RAD50: variants seen among roughly 807,000 people sequenced by gnomAD.
The protein encoded by RAD50 is DNA repair protein RAD50.
RAD50 carries 132 observed loss-of-function variants against 168.8 expected under a neutral mutation model. The ratio of observed to expected loss-of-function variants is 0.78; its 90% CI spans 0.68 to 0.90. RAD50 has a LOEUF of 0.90. Ranked by LOEUF, RAD50 falls within the 40% of genes least tolerant of loss-of-function variation. RAD50 has a pLI of 0.00. For missense variants in RAD50, 1,347 were observed against 1,534.4 expected (o/e 0.88, Z 2.04); for synonymous variants, 525 against 497.4 (o/e 1.06, Z -0.74).
At chr5:132,558,291 A>G (rs999547448) in intron 1 of RAD50, among the ~76,000 whole-genome samples, 2 of 152,216 alleles carry the variant, frequency 1.3e-5, no homozygotes, top group East Asian at 1.9e-4. Context: ...GTAGTACTGT[A>G]TAGTGTTTAT....
At position 132,642,447 on chromosome 5, in the gene RAD50, T is replaced by G; in HGVS notation, c.*83T>G. On this transcript the variant is annotated 3_prime_UTR_variant, in exon 25 of 25. Transcript: ENST00000378823. The stretch of plus-strand genomic sequence containing the variant: ...AAACTTATTTCTCATATCAACTTAG[T>G]CAATAAGAAAATATATTCTTTCAAA... 1.6e-6 allele frequency: 2 copies of G among 1,241,668 alleles called. No homozygotes were observed. Among genetic ancestry groups the G allele is most frequent in the South Asian group, 2.7e-5 (2 of 74,880 alleles). 76.9% of individuals were successfully genotyped at this position (1,241,668 alleles called of 1,614,324 possible).
At chr5:132,615,723 C>T (rs1751163081) in intron 19 of RAD50, among the ~76,000 whole-genome samples, 1 of 152,158 alleles carries the variant, frequency 6.6e-6, no homozygotes, top group Non-Finnish European at 1.5e-5. Flanking sequence ...CTTTATGAGA[C>T]TCCCCATCAA....
At chr5:132,604,217 C>T (rs1344238136) in intron 15 of RAD50, among the ~76,000 whole-genome samples, 171 bp downstream of exon 15, 1 of 151,796 alleles carries the variant, frequency 6.6e-6, no homozygotes, top group Non-Finnish European at 1.5e-5. Context: ...TTACTTTGCA[C>T]AACAGATTTT....
At chr5:132,607,978 T>C (rs928683614) in intron 16 of RAD50, among the ~76,000 whole-genome samples, 4 of 152,346 alleles carry the variant, frequency 2.6e-5, no homozygotes, top group African/African-American at 9.6e-5. Context: ...GTTACAAGGC[T>C]AAATAATGGG....
chr5:132,624,625 T>G (rs1164528179), intron 21 of RAD50, among the ~76,000 whole-genome samples: 2 of 152,088 alleles, frequency 1.3e-5, no homozygotes, highest in Non-Finnish European at 2.9e-5. Flanking sequence ...TTTGCCAGGC[T>G]TAGTGGCTTA....
chr5:132,585,289 A>G (rs1365994034), intron 5 of RAD50, among the ~76,000 whole-genome samples: 1 of 152,170 alleles, frequency 6.6e-6, no homozygotes, highest in African/African-American at 2.4e-5. Context: ...CAATATACCA[A>G]CAATTTATGG....
chr5:132,605,359 G>A (rs1385271260), intron 16 of RAD50, among the ~76,000 whole-genome samples: 2 of 152,030 alleles, frequency 1.3e-5, no homozygotes, highest in Non-Finnish European at 2.9e-5. Flanking sequence ...TTCTCTTTTA[G>A]AGACAGAGTC....
rs545800836 is a variant in RAD50 at position 132,632,167 on chromosome 5, C to T, written c.3390-4948C>T. The stretch of plus-strand genomic sequence containing the variant: ...CCTTGGAATGTTATGTTGATTAAGC[C>T]CTTCCCAAACATATGTGATTTTTTT... On this transcript the variant is annotated intron_variant, in intron 21 of 24. Coordinates refer to ENST00000378823, the MANE Select transcript of RAD50 (RefSeq NM_005732.4). 5.9e-5 allele frequency among the ~76,000 whole-genome samples: 9 copies of T among 152,306 alleles called. No individual in the cohort carries two copies. The South Asian group carries it at 1.5e-3, about 25-fold the overall frequency.
rs1751798982 is a variant in RAD50 at position 132,644,011 on chromosome 5, T to TAAAC, written c.*1649_*1652dup. On this transcript the variant is annotated 3_prime_UTR_variant, in exon 25 of 25. Coordinates refer to ENST00000378823, the MANE Select transcript of RAD50 (RefSeq NM_005732.4). ...ATGTTATCTGTTGCTAAATCAAAAT[T>TAAAC]AAACAGTCATCTTAACTGCAAAATA... 2 of 222,040 alleles carry TAAAC rather than the reference T, an allele frequency of 9.0e-6. No homozygotes were observed. Among genetic ancestry groups the TAAAC allele is most frequent in the East Asian group, 6.6e-5 (1 of 15,172 alleles). The allele number at this position is 222,040 out of a possible 1,614,324, so 13.8% of individuals were successfully genotyped here. A position where few individuals can be genotyped will look rare whatever the true frequency, so the allele number is the denominator to read the frequency against.
Position 132,604,046 on chromosome 5 carries a change from G to A in RAD50, c.2524G>A (p.Val842Ile), listed in dbSNP as rs2149847342. 1 of 1,613,412 alleles carries A rather than the reference G, an allele frequency of 6.2e-7. No individual in the cohort carries two copies. Among genetic ancestry groups the A allele is most frequent in the Non-Finnish European group, 8.5e-7 (1 of 1,179,576 alleles). The change falls in exon 15 of 25, where the codon GTT becomes ATT. Residue 842 changes from valine (V) to isoleucine (I), a missense_variant and splice_region_variant. Val to Ile is a conservative substitution (Grantham distance 29). This residue lies in a region of RAD50 where 635 missense variants were observed against 739.2 expected (regional missense o/e 0.86). Coordinates refer to ENST00000378823, the MANE Select transcript of RAD50 (RefSeq NM_005732.4). ...KQEKQHKLDT[V>I]SSKIELNRKL... ...AGAGAAACAGCACAAGTTAGACACA[G>A]GTAATACAGTCTGTGTCCTTCTGTA...
In RAD50 at chr5:132,639,792, G is replaced by C. The variant is rs143572639; in HGVS notation, c.3619-880G>C. 3.5e-3 allele frequency among the ~76,000 whole-genome samples: 536 copies of C among 152,242 alleles called. 2 individuals carry two copies. Among genetic ancestry groups the C allele is most frequent in the Non-Finnish European group, 5.4e-3 (365 of 68,016 alleles). On this transcript the variant is annotated intron_variant, in intron 23 of 24. Coordinates refer to ENST00000378823, the MANE Select transcript of RAD50 (RefSeq NM_005732.4). ...TGGTGGTAGAGTTGACAGCAGTTTG[G>C]ATTCAAAGACAGGAAGGAAATGCCT...
At chr5:132,592,922 A>T (rs545907294) in intron 11 of RAD50, 1 of 469,758 alleles carries the variant, frequency 2.1e-6, no homozygotes, top group East Asian at 7.0e-5. Context: ...CGTTTACTCA[A>T]CTTTAATTTT....
At chr5:132,623,470 G>C (rs1046898520) in intron 21 of RAD50, among the ~76,000 whole-genome samples, 1 of 152,132 alleles carries the variant, frequency 6.6e-6, no homozygotes, top group Middle Eastern at 3.2e-3. Context: ...AACAGAACGA[G>C]ACTCTGTCTC....
At chr5:132,629,497 A>G (rs1202847701) in intron 21 of RAD50, among the ~76,000 whole-genome samples, 2 of 152,210 alleles carry the variant, frequency 1.3e-5, no homozygotes, top group Non-Finnish European at 2.9e-5. Context: ...GTTAAGGAAC[A>G]AAGCCAGGCT....
At chr5:132,610,816 G>GTA (rs1161388089) in intron 19 of RAD50, among the ~76,000 whole-genome samples, 4 of 152,034 alleles carry the variant, frequency 2.6e-5, no homozygotes, top group Admixed American at 6.5e-5. Context: ...GCAGCTCTCT[G>GTA]TATATATATA....
intron 19 of RAD50, among the ~76,000 whole-genome samples, chr5:132,614,771 GTATGTT>G (rs1472000328): frequency 4.0e-5 from 6 of 150,722 alleles, no homozygotes; most frequent in Non-Finnish European, 8.9e-5. Flanking sequence ...TGGATAAATT[GTATGTT>G]TATATTATTT....
In RAD50 at chr5:132,579,980, C is replaced by G. The variant is rs753136372; in HGVS notation, c.670C>G (p.Arg224Gly). The G allele has an allele frequency of 6.2e-7, 1 of 1,612,620 alleles. No individual in the cohort carries two copies. Among genetic ancestry groups the G allele is most frequent in the Non-Finnish European group, 8.5e-7 (1 of 1,178,882 alleles). ...KQYKEKACEI[R>G]DQITSKEAQL... The stretch of plus-strand genomic sequence containing the variant: ...ATATAAGGAAAAAGCTTGTGAGATT[C>G]GTGATCAGATTACAAGTAAGGAAGC... Residue 224 changes from arginine to glycine, a missense_variant, in exon 5 of 25, where the codon CGT becomes GGT. By Grantham distance (125) the Arg-to-Gly change is moderately radical. Transcript: ENST00000378823.
intron 2 of RAD50, among the ~76,000 whole-genome samples, chr5:132,571,021 GGA>G (rs1750294259): frequency 6.6e-6 from 1 of 152,128 alleles, no homozygotes; most frequent in Non-Finnish European, 1.5e-5. Context: ...CCAAGGAGAG[GGA>G]GAGAGACGGG....
rs1581027635 is a variant in RAD50, at chr5:132,645,649, A to G, written c.*3285A>G. ...TTGTGTATGAAAGAGAAAGCAGCCA[A>G]TGAAAAGTTTACTATTAAGCCAGCT... On this transcript the variant is annotated 3_prime_UTR_variant, in exon 25 of 25. Coordinates refer to ENST00000378823, the MANE Select transcript of RAD50 (RefSeq NM_005732.4). The G allele has an allele frequency of 6.6e-6, 1 of 152,252 alleles. No homozygotes were observed. The highest frequency in any genetic ancestry group is 1.9e-4 in the East Asian group (1 of 5,194). The allele number at this position is 152,252 out of a possible 1,614,324, so 9.4% of individuals were successfully genotyped here.
Sources: allele counts gnomAD v4.1 joint callset (sites outside exome capture counted in the v4.1 genomes callset), GRCh38; gene constraint gnomAD v4.1.1; regional missense constraint gnomAD v4.1.1; transcripts MANE v1.5; gene names NCBI Gene and HGNC (gene_info 2026-07-23, HGNC 2026-07-21).